TDRD6: variants seen among roughly 807,000 people sequenced by gnomAD.
The protein encoded by TDRD6 is tudor domain-containing protein 6.
Under a neutral mutation model 157.5 loss-of-function variants are expected in TDRD6, and 186 were observed. That is an observed-to-expected ratio of 1.18 (90% CI 1.05 to 1.33). The LOEUF is 1.33. Among genes scored for constraint, TDRD6 ranks in the 40% most tolerant of loss-of-function variants. TDRD6 has a pLI of 0.00. For synonymous variants in TDRD6, 1,075 were observed against 945.2 expected, an observed-to-expected ratio of 1.14 and a Z score of -2.52; for missense variants, 3,066 against 2,508.0, an observed-to-expected ratio of 1.22 and a Z score of -4.75.
chr6:46,696,444 C>T (rs6928804), intron 2 of TDRD6, among the ~76,000 whole-genome samples: 4 of 122,942 alleles, frequency 3.3e-5, no homozygotes, highest in African/African-American at 9.4e-5. Context: ...TCGAGAGTTA[C>T]TTGGTATATA....
rs1012027734 is a variant in TDRD6, at chr6:46,688,671, C to T, written c.543C>T (p.Leu181=). 5 of 1,599,882 alleles carry T rather than the reference C, an allele frequency of 3.1e-6. No homozygotes were observed. In the Admixed American group the frequency reaches 8.3e-5, roughly 27 times the overall value. Residue 181 remains leucine, a synonymous_variant, in exon 1 of 4, where the codon CTC becomes CTT. Coordinates refer to ENST00000316081, the MANE Select transcript of TDRD6 (RefSeq NM_001010870.3). ...LDVLLLHRLV[L]LEVPDVFQQM... is the part of the protein sequence containing the mutation. Reference sequence around the variant, plus strand: ...TGCTGCTGCTCCATCGCCTGGTCCTCCTGGAGGTGCCTGATGTGTTCCAAC... The same window carrying T: ...TGCTGCTGCTCCATCGCCTGGTCCTTCTGGAGGTGCCTGATGTGTTCCAAC...
upstream of TDRD6, among the ~76,000 whole-genome samples, chr6:46,682,943 C>A (rs563721555): frequency 2.3e-4 from 35 of 152,024 alleles, no homozygotes; most frequent in African/African-American, 8.4e-4. Flanking sequence ...AAAACCCCAG[C>A]AGCCTTCAAA....
chr6:46,688,394 G>A lies in TDRD6; in HGVS notation c.266G>A (p.Arg89Gln), dbSNP rs754840458. The change falls in exon 1 of 4, where the codon CGG (arginine) becomes CAG (glutamine). Residue 89 changes from arginine (R) to glutamine (Q), a missense_variant. By Grantham distance (43) the Arg-to-Gln change is conservative. Transcript: ENST00000316081. Reference sequence around the variant, plus strand: ...TGGCACCGCTGCCGCGTGGTCAGCCGGCAGGCACAGGAGAGCCGTGTCTTC... The same window carrying A: ...TGGCACCGCTGCCGCGTGGTCAGCCAGCAGGCACAGGAGAGCCGTGTCTTC... ...LLWHRCRVVS[R>Q]QAQESRVFLL... 31 of 1,536,908 alleles carry A rather than the reference G, an allele frequency of 2.0e-5. No individual in the cohort carries two copies. The East Asian group carries it at 5.4e-4, about 27-fold the overall frequency.
At position 46,692,768 on chromosome 6, in the gene TDRD6, T is replaced by TA; in HGVS notation, c.4641dup (p.Glu1548ArgfsTer39). On this transcript the variant is annotated frameshift_variant, in exon 1 of 4. Coordinates refer to ENST00000316081, the MANE Select transcript of TDRD6 (RefSeq NM_001010870.3). LOFTEE classifies it high-confidence loss of function. ...GCTGATACGGAGAAACTTCAGTGTT[T>TA]AGAAGTAGAAGTACAGACTGCTGGA... The TA allele has an allele frequency of 6.2e-7, 1 of 1,613,560 alleles. No homozygotes were observed. Among genetic ancestry groups the TA allele is most frequent in the Non-Finnish European group, 8.5e-7 (1 of 1,179,996 alleles).
rs1161591891 is a variant in TDRD6, at chr6:46,689,909, C to G, written c.1781C>G (p.Pro594Arg). The G allele has an allele frequency of 6.2e-6, 10 of 1,613,980 alleles. No homozygotes were observed. Among genetic ancestry groups the G allele is most frequent in the African/African-American group, 1.3e-5 (1 of 74,904 alleles). Reference sequence around the variant, plus strand: ...CTGCTTCCTCAGTTTAGGCAGCTACCAATATTGGCTGTGAAGTGCACCCTG... The same window carrying G: ...CTGCTTCCTCAGTTTAGGCAGCTACGAATATTGGCTGTGAAGTGCACCCTG... ...RMLLPQFRQL[P>R]ILAVKCTLAD... is the part of the protein sequence containing the mutation. Residue 594 changes from proline (P) to arginine (R), a missense_variant, in exon 1 of 4, where the codon CCA becomes CGA. By Grantham distance (103) the Pro-to-Arg change is moderately radical (BLOSUM62 -2). Coordinates refer to ENST00000316081, the MANE Select transcript of TDRD6 (RefSeq NM_001010870.3).
chr6:46,697,283 G>A (rs1266642924), intron 2 of TDRD6, among the ~76,000 whole-genome samples: 1 of 151,928 alleles, frequency 6.6e-6, no homozygotes, highest in Non-Finnish European at 1.5e-5. Context: ...CCTCTACCAG[G>A]GAGCATTCAC....
At position 46,692,019 on chromosome 6, in the gene TDRD6, A is replaced by G. The variant is rs371268497; in HGVS notation, c.3891A>G (p.Pro1297=). 6.8e-6 allele frequency: 11 copies of G among 1,613,754 alleles called. No individual in the cohort carries two copies. Among genetic ancestry groups the G allele is most frequent in the Non-Finnish European group, 9.3e-6 (11 of 1,179,932 alleles). ...KDLPLKFCEF[P]QKTIMPGFKT... is the part of the protein sequence containing the mutation. ...TGCCTCTGAAATTTTGTGAGTTCCC[A>G]CAGAAGACTATAATGCCTGGATTTA... is the stretch of plus-strand genomic sequence containing the variant. Residue 1297 remains proline (P), a synonymous_variant, in exon 1 of 4, where the codon CCA becomes CCG. Transcript: ENST00000316081.
intron 3 of TDRD6, 58 bp downstream of exon 3, chr6:46,698,145 A>T (rs1022748334): frequency 8.5e-5 from 111 of 1,313,546 alleles, no homozygotes; most frequent in South Asian, 1.8e-4. Flanking sequence ...TTGAAAGGTG[A>T]TTTAACAAAC....
At chr6:46,694,289 G>T (rs1451698127) in intron 1 of TDRD6, 115 bp downstream of exon 1, 6 of 683,012 alleles carry the variant, frequency 8.8e-6, no homozygotes, top group Admixed American at 3.5e-5. Flanking sequence ...TGCAGCCTCT[G>T]CCTCCCAGGC....
rs1053621484 is a variant in TDRD6 at position 46,703,032 on chromosome 6, C to G, written c.*1145C>G. The G allele has an allele frequency of 6.6e-6, 1 of 151,930 alleles. No homozygotes were observed. The highest frequency in any genetic ancestry group is 2.4e-5 in the African/African-American group (1 of 41,368). The allele number at this position is 151,930 out of a possible 1,614,324, so 9.4% of individuals were successfully genotyped here. ...TTAGGTTATTTCTTTTTAACCTTAA[C>G]TTATTAGATATTTTCAATAGTTATT... On this transcript the variant is annotated 3_prime_UTR_variant, in exon 4 of 4. Coordinates refer to ENST00000316081, the MANE Select transcript of TDRD6 (RefSeq NM_001010870.3).
the TDRD6 span, among the ~76,000 whole-genome samples, chr6:46,680,960 C>T: frequency 6.6e-6 from 1 of 152,154 alleles, no homozygotes; most frequent in Non-Finnish European, 1.5e-5. Flanking sequence ...CCCTTTCTCC[C>T]ACTGCTTCCC....
At chr6:46,685,802 C>T (rs1323499609), upstream of TDRD6, among the ~76,000 whole-genome samples, 1 of 151,920 alleles carries the variant, frequency 6.6e-6, no homozygotes, top group Non-Finnish European at 1.5e-5. Context: ...CCTTCTTTTC[C>T]GAAACCAAGG....
chr6:46,693,921 A>G lies in TDRD6; in HGVS notation c.5793A>G (p.Ala1931=), dbSNP rs200366992. The G allele has an allele frequency of 5.0e-6, 8 of 1,614,078 alleles. No individual in the cohort carries two copies. Among genetic ancestry groups the G allele is most frequent in the Non-Finnish European group, 6.8e-6 (8 of 1,180,048 alleles). ...DPLSLGVSQK[A]QESMCTEDMR... ...TGTCTTTAGGAGTTAGTCAGAAAGC[A>G]CAGGAATCCATGTGTACTGAGGACA... is the stretch of plus-strand genomic sequence containing the variant. Residue 1931 remains alanine (A), a synonymous_variant, in exon 1 of 4, where the codon GCA becomes GCG. Coordinates refer to ENST00000316081, the MANE Select transcript of TDRD6 (RefSeq NM_001010870.3).
chr6:46,688,124 T>A lies in TDRD6; in HGVS notation c.-5T>A, dbSNP rs1366981384. On this transcript the variant is annotated 5_prime_UTR_variant, in exon 1 of 4. Coordinates refer to ENST00000316081, the MANE Select transcript of TDRD6 (RefSeq NM_001010870.3). ...CGGAAGTGGGGGCCGCGCCGCGCCG[T>A]CAAGATGTGCTCGACGCCCGGAATG... 2 of 1,523,740 alleles carry A rather than the reference T, an allele frequency of 1.3e-6. No homozygotes were observed. The highest frequency in any genetic ancestry group is 2.5e-5 in the East Asian group (1 of 40,210). The allele number at this position is 1,523,740 out of a possible 1,614,324, so 94.4% of individuals were successfully genotyped here.
chr6:46,690,503 C>A lies in TDRD6; in HGVS notation c.2375C>A (p.Thr792Asn). 1 of 1,614,102 alleles carries A rather than the reference C, an allele frequency of 6.2e-7. No individual in the cohort carries two copies. Among genetic ancestry groups the A allele is most frequent in the Non-Finnish European group, 8.5e-7 (1 of 1,179,992 alleles). The change falls in exon 1 of 4, where the codon ACC (threonine) becomes AAC (asparagine). Residue 792 changes from threonine (T) to asparagine (N), a missense_variant. Physicochemically the swap from Thr to Asn is moderately conservative, Grantham distance 65. Transcript: ENST00000316081. Reference protein sequence around the residue: ...ENPGYFWCQLTRNIQGLKTLM... With the variant: ...ENPGYFWCQLNRNIQGLKTLM... ...CCTGGCTATTTCTGGTGTCAGCTGA[C>A]CAGGAACATACAAGGACTTAAAACT...
At position 46,691,509 on chromosome 6, in the gene TDRD6, A is replaced by C; in HGVS notation, c.3381A>C (p.Leu1127Phe). Residue 1127 changes from leucine to phenylalanine, a missense_variant, in exon 1 of 4, where the codon TTA becomes TTC. Transcript: ENST00000316081. ...TTTTAGATAAGTCATTGAAGGCTTT[A>C]GTTGTAGCAAAAGATCCAGATGGAA... ...ETILDKSLKA[L>F]VVAKDPDGTL... 1 of 1,614,082 alleles carries C rather than the reference A, an allele frequency of 6.2e-7. No individual in the cohort carries two copies.
rs1463184080 is a variant in TDRD6 at position 46,692,851 on chromosome 6, A to G, written c.4723A>G (p.Ile1575Val). Residue 1575 changes from isoleucine to valine, a missense_variant, in exon 1 of 4, where the codon ATA becomes GTA. By Grantham distance (29) the Ile-to-Val change is conservative (BLOSUM62 3). Transcript: ENST00000316081. Reference protein sequence around the residue: ...IPCPYIGDPCIVRYREDGHYY... With the variant: ...IPCPYIGDPCVVRYREDGHYY... ...ATGTCCTTATATTGGAGATCCTTGT[A>G]TAGTAAGATACAGAGAAGATGGACA... 3 of 1,614,012 alleles carry G rather than the reference A, an allele frequency of 1.9e-6. No homozygotes were observed. The highest frequency in any genetic ancestry group is 1.7e-5 in the Admixed American group (1 of 60,014).
At position 46,689,507 on chromosome 6, in the gene TDRD6, C is replaced by T; in HGVS notation, c.1379C>T (p.Ser460Phe). Reference sequence around the variant, plus strand: ...ACAGAGGAGGAGGAACCAGAAACATCTCAGTCTCAGTCTCCTGCTGAAGAA... The same window carrying T: ...ACAGAGGAGGAGGAACCAGAAACATTTCAGTCTCAGTCTCCTGCTGAAGAA... ...QATEEEEPET[S>F]QSQSPAEEVD... Residue 460 changes from serine to phenylalanine, a missense_variant, in exon 1 of 4, where the codon TCT (serine) becomes TTT (phenylalanine). Transcript: ENST00000316081. The T allele has an allele frequency of 6.2e-7, 1 of 1,614,000 alleles. No homozygotes were observed. Among genetic ancestry groups the T allele is most frequent in the Non-Finnish European group, 8.5e-7 (1 of 1,180,034 alleles).
At chr6:46,680,625 C>A in the TDRD6 span, among the ~76,000 whole-genome samples, 1 of 152,144 alleles carries the variant, frequency 6.6e-6, no homozygotes, top group Non-Finnish European at 1.5e-5. Flanking sequence ...CCTTCAATTT[C>A]TCCTATATAC....
Sources: gnomAD v4.1 joint callset for allele counts (sites outside exome capture counted in the v4.1 genomes callset) on GRCh38, gnomAD v4.1.1 for gene constraint, MANE v1.5 for transcripts, NCBI Gene and HGNC (gene_info 2026-07-23, HGNC 2026-07-21) for gene names.